EREG: variants seen among roughly 807,000 people sequenced by gnomAD.
The protein encoded by EREG is proepiregulin.
EREG carries 23 observed loss-of-function variants against 22.4 expected under a neutral mutation model. That is an observed-to-expected ratio of 1.03 (90% CI 0.74 to 1.46). EREG has a LOEUF of 1.46. Among genes scored for constraint, EREG ranks in the 40% most tolerant of loss-of-function variants. The pLI is 0.00. For synonymous variants in EREG, 100 were observed against 75.4 expected, an observed-to-expected ratio of 1.33 and a Z score of -1.69; for missense variants, 226 against 205.9, an observed-to-expected ratio of 1.10 and a Z score of -0.60.
chr4:74,368,576 CAT>C (rs1197872551), intron 1 of EREG, among the ~76,000 whole-genome samples: 1 of 152,138 alleles, frequency 6.6e-6, no homozygotes, highest in African/African-American at 2.4e-5. Flanking sequence ...TAACAATACT[CAT>C]ATAATCACTT....
In EREG at chr4:74,385,685, TA is replaced by T. The variant is rs1234479226; in HGVS notation, c.*878del. The T allele has an allele frequency of 2.7e-6, 1 of 368,340 alleles. No homozygotes were observed. Among genetic ancestry groups the T allele is most frequent in the Non-Finnish European group, 4.8e-6 (1 of 207,036 alleles). The allele number at this position is 368,340 out of a possible 1,614,324, so 22.8% of individuals were successfully genotyped here. A position where few individuals can be genotyped will look rare whatever the true frequency, so the allele number is the denominator to read the frequency against. ...AGAATATTTTTAGACTATTTCTTTT[TA>T]TAGGGGCTTTGCTGAATTCTAACAT... On this transcript the variant is annotated 3_prime_UTR_variant, in exon 5 of 5. Coordinates refer to ENST00000244869, the MANE Select transcript of EREG (RefSeq NM_001432.3).
At chr4:74,377,419 A>T (rs527675241) in intron 1 of EREG, among the ~76,000 whole-genome samples, 15 of 152,272 alleles carry the variant, frequency 9.9e-5, no homozygotes, top group African/African-American at 3.6e-4. Flanking sequence ...CAAATTCTAT[A>T]AAGTGGCCCA....
chr4:74,365,154 A>G lies in EREG; in HGVS notation c.-155A>G. 1.6e-6 allele frequency: 1 copy of G among 633,562 alleles called. No homozygotes were observed. The highest frequency in any genetic ancestry group is 1.8e-5 in the South Asian group (1 of 54,872). 39.2% of individuals were successfully genotyped at this position (633,562 alleles called of 1,614,324 possible). ...CCAGACAGTTGAGCTCACTTGCCTG[A>G]TATTTCCAGTGTCAGAGGGACACAG... On this transcript the variant is annotated 5_prime_UTR_variant, in exon 1 of 5. Coordinates refer to ENST00000244869, the MANE Select transcript of EREG (RefSeq NM_001432.3).
At chr4:74,371,663 A>G (rs1030738970) in intron 1 of EREG, among the ~76,000 whole-genome samples, 4 of 152,148 alleles carry the variant, frequency 2.6e-5, no homozygotes, top group Non-Finnish European at 2.9e-5. Context: ...TTTCAAATAG[A>G]CTTCTCCTAA....
rs1351437240 is a variant in EREG at position 74,386,052 on chromosome 4, A to G, written c.*1244A>G. The G allele has an allele frequency of 5.6e-6, 2 of 355,936 alleles. No homozygotes were observed. Among genetic ancestry groups the G allele is most frequent in the African/African-American group, 2.1e-5 (1 of 47,744 alleles). The allele number at this position is 355,936 out of a possible 1,614,324, so 22.0% of individuals were successfully genotyped here. A position where few individuals can be genotyped will look rare whatever the true frequency, so the allele number is the denominator to read the frequency against. On this transcript the variant is annotated 3_prime_UTR_variant, in exon 5 of 5. Transcript: ENST00000244869. ...GGGCTCATTTTCCTGACATTTGTTTATTTTTTGGAAGAGACAAAGATTTCT... is the reference window on the plus strand; with the variant it reads ...GGGCTCATTTTCCTGACATTTGTTTGTTTTTTGGAAGAGACAAAGATTTCT...
rs535645182 is a variant in EREG, at chr4:74,371,496, T to G, written c.67+6121T>G. Among the ~76,000 whole-genome samples, 8 of 152,310 alleles carry G rather than the reference T, an allele frequency of 5.3e-5. No individual in the cohort carries two copies. The South Asian group carries it at 1.7e-3, about 32-fold the overall frequency. On this transcript the variant is annotated intron_variant, in intron 1 of 4. Transcript: ENST00000244869. ...TCTTAGCTCTCAGCAAACTTAATTT[T>G]CTTTTTTCTCTAATTTCTTTTTCTC...
rs1264148835 is a variant in EREG, at chr4:74,375,017, A to G, written c.68-4431A>G. Among the ~76,000 whole-genome samples, 4 of 152,302 alleles carry G rather than the reference A, an allele frequency of 2.6e-5. No homozygotes were observed. The South Asian group carries it at 8.3e-4, about 32-fold the overall frequency. On this transcript the variant is annotated intron_variant, in intron 1 of 4. Coordinates refer to ENST00000244869, the MANE Select transcript of EREG (RefSeq NM_001432.3). ...CATCTGTGTTATATCACCTGGCAAG[A>G]AATTCCTCTGTATCTTAGTTACCAA... is the stretch of plus-strand genomic sequence containing the variant.
intron 1 of EREG, among the ~76,000 whole-genome samples, chr4:74,373,322 T>C (rs537194200): frequency 6.6e-6 from 1 of 152,204 alleles, no homozygotes; most frequent in Non-Finnish European, 1.5e-5. Flanking sequence ...AATTGGAAAG[T>C]ATAACTTAAT....
At chr4:74,371,110 G>A (rs1752282283) in intron 1 of EREG, among the ~76,000 whole-genome samples, 1 of 152,098 alleles carries the variant, frequency 6.6e-6, no homozygotes, top group Non-Finnish European at 1.5e-5. Context: ...ATGGTCCCCA[G>A]GAGCAATTTT....
At chr4:74,366,166 T>C (rs2110381948) in intron 1 of EREG, among the ~76,000 whole-genome samples, 1 of 152,234 alleles carries the variant, frequency 6.6e-6, no homozygotes, top group Admixed American at 6.5e-5. Context: ...AAATAGCCTT[T>C]CTGTTAAAAA....
Position 74,365,412 on chromosome 4 carries a change from G to C in EREG, c.67+37G>C, listed in dbSNP as rs377529064. On this transcript the variant is annotated intron_variant, in intron 1 of 4. Transcript: ENST00000244869. ...CCCTCTGGCTTCCGGCCGCCCCAAA[G>C]AGGAGACAAATAAGGAAGGCTCCTG... The C allele has an allele frequency of 4.4e-6, 7 of 1,601,576 alleles. No individual in the cohort carries two copies. The African/African-American group carries it at 8.0e-5, about 18-fold the overall frequency.
At chr4:74,383,910 C>G (rs1043097740) in intron 4 of EREG, among the ~76,000 whole-genome samples, 2 of 152,116 alleles carry the variant, frequency 1.3e-5, no homozygotes, top group Non-Finnish European at 2.9e-5. Context: ...TAGAGAGGTT[C>G]ATTCAAATAT....
chr4:74,382,518 T>C, intron 3 of EREG, 127 bp from the exon 4 acceptor site: 2 of 682,006 alleles, frequency 2.9e-6, no homozygotes, highest in Admixed American at 5.9e-5. Context: ...AAATCCTCTT[T>C]ACAATCTTTA....
rs368790097 is a variant in EREG, at chr4:74,382,629, C to G, written c.279-16C>G. 1 of 1,559,246 alleles carries G rather than the reference C, an allele frequency of 6.4e-7. No homozygotes were observed. Among genetic ancestry groups the G allele is most frequent in the Non-Finnish European group, 8.7e-7 (1 of 1,154,932 alleles). ...TTTAAGTAACTGATCTTTCTTTCTT[C>G]CGTATTTTCCTTCAGGTGTGAAGTG... On this transcript the variant is annotated splice_polypyrimidine_tract_variant and intron_variant, in intron 3 of 4. Coordinates refer to ENST00000244869, the MANE Select transcript of EREG (RefSeq NM_001432.3).
intron 1 of EREG, among the ~76,000 whole-genome samples, chr4:74,373,731 C>T (rs1043635219): frequency 2.4e-4 from 35 of 147,298 alleles, no homozygotes; most frequent in African/African-American, 7.3e-4. Flanking sequence ...TAAGTATATA[C>T]GTGTGCGTAT....
intron 1 of EREG, among the ~76,000 whole-genome samples, chr4:74,367,622 A>T (rs1417228162): frequency 6.6e-6 from 1 of 152,208 alleles, no homozygotes; most frequent in Non-Finnish European, 1.5e-5. Flanking sequence ...CAGAAGAAAT[A>T]TTCTTTTTTG....
chr4:74,372,676 A>G (rs567232850), intron 1 of EREG, among the ~76,000 whole-genome samples: 23 of 152,184 alleles, frequency 1.5e-4, no homozygotes, highest in African/African-American at 5.5e-4. Context: ...AGAAAAAAAT[A>G]TGTTTCCAAC....
At chr4:74,377,609 G>C (rs182986915) in intron 1 of EREG, among the ~76,000 whole-genome samples, 1 of 152,148 alleles carries the variant, frequency 6.6e-6, no homozygotes, top group Non-Finnish European at 1.5e-5. Flanking sequence ...TATTATAAAG[G>C]ACTTCCCTGA....
At chr4:74,375,404 C>T (rs1360148522) in intron 1 of EREG, among the ~76,000 whole-genome samples, 3 of 147,312 alleles carry the variant, frequency 2.0e-5, no homozygotes, top group South Asian at 4.3e-4. Context: ...CTGCAAGCTC[C>T]GCCTCCTGGG....
Sources: allele counts gnomAD v4.1 joint callset (sites outside exome capture counted in the v4.1 genomes callset), GRCh38; gene constraint gnomAD v4.1.1; transcripts MANE v1.5; gene names NCBI Gene and HGNC (gene_info 2026-07-23, HGNC 2026-07-21).